Variants in SLC2A12 observed in about 807,000 individuals in gnomAD.
SLC2A12 encodes the protein solute carrier family 2 member 12, also known as solute carrier family 2, facilitated glucose transporter member 12.
In SLC2A12, 23 loss-of-function variants were observed where a neutral mutation model predicts 41.8. The ratio of observed to expected loss-of-function variants is 0.55; its 90% CI spans 0.40 to 0.78. SLC2A12 has a LOEUF of 0.78. Ranked by LOEUF, SLC2A12 falls within the 30% of genes least tolerant of loss-of-function variation. The pLI, the probability that SLC2A12 is intolerant of heterozygous loss-of-function variation, is 0.00. For missense variants in SLC2A12, 654 were observed against 745.6 expected, an observed-to-expected ratio of 0.88 and a Z score of 1.43; for synonymous variants, 295 against 285.9, an observed-to-expected ratio of 1.03 and a Z score of -0.32.
At chr6:134,048,621 G>A (rs1268512592) in intron 1 of SLC2A12, among the ~76,000 whole-genome samples, 1 of 152,160 alleles carries the variant, frequency 6.6e-6, no homozygotes, top group Non-Finnish European at 1.5e-5. Context: ...TTGGAAATAC[G>A]TATCACAGTA....
intron 1 of SLC2A12, among the ~76,000 whole-genome samples, chr6:134,044,796 T>C (rs1777433857): frequency 6.6e-6 from 1 of 151,936 alleles, no homozygotes; most frequent in Non-Finnish European, 1.5e-5. Flanking sequence ...GCCTCTCATG[T>C]AGTAGGTGCC....
At chr6:134,008,664 CTG>C in intron 2 of SLC2A12, among the ~76,000 whole-genome samples, 1 of 152,222 alleles carries the variant, frequency 6.6e-6, no homozygotes, top group African/African-American at 2.4e-5. Context: ...TCTGAGTAGA[CTG>C]ATATCTGCAT....
At chr6:134,006,193 CAA>C (rs571711008) in intron 3 of SLC2A12, among the ~76,000 whole-genome samples, 11 of 121,616 alleles carry the variant, frequency 9.0e-5, no homozygotes, top group South Asian at 2.5e-4. Flanking sequence ...AAAAAAAAAA[CAA>C]AAAAAAAAAC....
intron 1 of SLC2A12, among the ~76,000 whole-genome samples, chr6:134,030,397 C>A (rs990072209): frequency 2.0e-5 from 3 of 152,164 alleles, no homozygotes; most frequent in African/African-American, 4.8e-5. Flanking sequence ...GTGTAAGGAA[C>A]CAGCAATATC....
At chr6:134,034,160 A>G (rs1304999342) in intron 1 of SLC2A12, among the ~76,000 whole-genome samples, 1 of 152,090 alleles carries the variant, frequency 6.6e-6, no homozygotes, top group Non-Finnish European at 1.5e-5. Flanking sequence ...CTTGCTATCC[A>G]TCTTTCTATC....
intron 4 of SLC2A12, among the ~76,000 whole-genome samples, chr6:133,992,544 T>G (rs945486450): frequency 6.6e-6 from 1 of 152,128 alleles, no homozygotes; most frequent in Non-Finnish European, 1.5e-5. Flanking sequence ...TCAGCATAGT[T>G]GTGTGTTTGA....
In SLC2A12 at chr6:134,029,590, G is replaced by T. The variant is rs1402498603; in HGVS notation, c.235C>A (p.Gln79Lys). 2 of 1,613,952 alleles carry T rather than the reference G, an allele frequency of 1.2e-6. No homozygotes were observed. The highest frequency in any genetic ancestry group is 1.3e-5 in the African/African-American group (1 of 74,876). The change falls in exon 2 of 5, where the codon CAG (glutamine) becomes AAG (lysine). Residue 79 changes from glutamine (Q) to lysine (K), a missense_variant. Gln to Lys is a moderately conservative substitution (Grantham distance 53). This residue lies in a region of SLC2A12 where 109 missense variants were observed against 153.0 expected (regional missense o/e 0.71). Transcript: ENST00000275230. Reference sequence around the variant, plus strand: ...ACGAGGGAGCTCACAACCATTTCCTGCTCATGGCAGCTCAGGGCTAATAAG... The same window carrying T: ...ACGAGGGAGCTCACAACCATTTCCTTCTCATGGCAGCTCAGGGCTAATAAG... ...KTLLALSCHE[Q>K]EMVVSSLVIG...
At chr6:134,038,700 CTTTTTTTTT>C (rs200794350) in intron 1 of SLC2A12, among the ~76,000 whole-genome samples, 2 of 82,128 alleles carry the variant, frequency 2.4e-5, no homozygotes, top group African/African-American at 1.3e-4. Context: ...CCTTTCTTTC[CTTTTTTTTT>C]TTTTTTTTTT....
Position 134,025,021 on chromosome 6 carries a change from T to A in SLC2A12, c.1444+3360A>T, listed in dbSNP as rs568683224. ...TACCCTTCTTCTCTTTCATCCTATA[T>A]CTCAGCCTTATAAAAAGTACATGTT... On this transcript the variant is annotated intron_variant, in intron 2 of 4. Transcript: ENST00000275230. Among the ~76,000 whole-genome samples, 21 of 152,318 alleles carry A rather than the reference T, an allele frequency of 1.4e-4. No homozygotes were observed. The South Asian group carries it at 3.9e-3, about 29-fold the overall frequency.
rs370230878 is a variant in SLC2A12, at chr6:133,991,204, T to C, written c.1805A>G (p.Asn602Ser). The C allele has an allele frequency of 3.7e-6, 6 of 1,614,026 alleles. No individual in the cohort carries two copies. Among genetic ancestry groups the C allele is most frequent in the African/African-American group, 2.7e-5 (2 of 74,924 alleles). The change falls in exon 5 of 5, where the codon AAC (asparagine) becomes AGC (serine). Residue 602 changes from asparagine to serine, a missense_variant. Asn to Ser is a conservative substitution (Grantham distance 46, BLOSUM62 1). Around this residue, in one of 3 missense-constraint regions of SLC2A12, gnomAD observed 134 missense variants for 180.5 expected, o/e 0.74. Transcript: ENST00000275230. ...RKPQEQLLEC[N>S]KLCGRGQSRQ... ...GGATTGGCCCCTACCACACAGCTTG[T>C]TACACTCCAAGAGCTGCTCCTGGGG...
At chr6:134,017,681 T>C (rs1162056095) in intron 2 of SLC2A12, among the ~76,000 whole-genome samples, 1 of 151,790 alleles carries the variant, frequency 6.6e-6, no homozygotes, top group South Asian at 2.1e-4. Flanking sequence ...TGAAACCCTG[T>C]CTCTACTAAA....
chr6:133,998,431 G>T (rs1284501256), intron 4 of SLC2A12, among the ~76,000 whole-genome samples: 1 of 152,224 alleles, frequency 6.6e-6, no homozygotes, highest in Admixed American at 6.5e-5. Flanking sequence ...ACAATGGGTT[G>T]TGATAGTAAG....
chr6:133,992,720 TAAGG>T (rs1474987864), intron 4 of SLC2A12, among the ~76,000 whole-genome samples: 2 of 151,544 alleles, frequency 1.3e-5, no homozygotes, highest in Admixed American at 6.6e-5. Flanking sequence ...GGAAGCAGGG[TAAGG>T]AAGGAAGGGA....
intron 1 of SLC2A12, among the ~76,000 whole-genome samples, chr6:134,039,086 G>A (rs554645366): frequency 1.2e-3 from 190 of 152,232 alleles, no homozygotes; most frequent in African/African-American, 4.4e-3. Flanking sequence ...GCTACTTGTT[G>A]AGTTCTTTTT....
At chr6:134,022,895 G>A (rs1264975359) in intron 2 of SLC2A12, among the ~76,000 whole-genome samples, 5 of 152,114 alleles carry the variant, frequency 3.3e-5, no homozygotes, top group South Asian at 2.1e-4. Context: ...CCCTCAAGAC[G>A]GCAGTATTCC....
In SLC2A12 at chr6:133,990,728, T is replaced by C. The variant is rs139905697; in HGVS notation, c.*427A>G. 8.3e-3 allele frequency: 1,276 copies of C among 153,832 alleles called. 36 individuals are homozygous for C. Among genetic ancestry groups the C allele is most frequent in the Admixed American group, 0.062 (947 of 15,336 alleles). The allele number at this position is 153,832 out of a possible 1,614,324, so 9.5% of individuals were successfully genotyped here. A position where few individuals can be genotyped will look rare whatever the true frequency, so the allele number is the denominator to read the frequency against. On this transcript the variant is annotated 3_prime_UTR_variant, in exon 5 of 5. Transcript: ENST00000275230. ...TTTGCGTAAGATCCAGTGCAAGTAG[T>C]GTCTTGGTAGGCAGAAACTGTACCC... is the stretch of plus-strand genomic sequence containing the variant.
At position 134,029,649 on chromosome 6, in the gene SLC2A12, C is replaced by T. The variant is rs1425930154; in HGVS notation, c.176G>A (p.Gly59Glu). The change falls in exon 2 of 5, where the codon GGG becomes GAG. Residue 59 changes from glycine to glutamate, a missense_variant. Physicochemically the swap from Gly to Glu is moderately conservative, Grantham distance 98. Around this residue, in one of 3 missense-constraint regions of SLC2A12, gnomAD observed 109 missense variants for 153.0 expected, o/e 0.71. Transcript: ENST00000275230. The part of the protein sequence containing the change: ...VSGLLVGYEL[G>E]IISGALLQIK... Reference sequence around the variant, plus strand: ...CTGAAGAAGAGCCCCAGAGATGATCCCAAGTTCATAACCCACCAGGAGGCC... The same window carrying T: ...CTGAAGAAGAGCCCCAGAGATGATCTCAAGTTCATAACCCACCAGGAGGCC... 1 of 1,613,090 alleles carries T rather than the reference C, an allele frequency of 6.2e-7. No homozygotes were observed. The highest frequency in any genetic ancestry group is 8.5e-7 in the Non-Finnish European group (1 of 1,179,976).
intron 4 of SLC2A12, among the ~76,000 whole-genome samples, chr6:133,995,136 C>A (rs1418285072): frequency 2.6e-5 from 4 of 152,198 alleles, no homozygotes; most frequent in Non-Finnish European, 5.9e-5. Context: ...TTTAGAAAAA[C>A]TTGGCTATAC....
intron 1 of SLC2A12, among the ~76,000 whole-genome samples, chr6:134,050,246 A>G (rs1773656004): frequency 1.3e-5 from 2 of 152,340 alleles, no homozygotes; most frequent in African/African-American, 4.8e-5. Flanking sequence ...GATGTTTAAG[A>G]TAAGTTAAGA....
Sources: gnomAD v4.1 joint callset for allele counts (sites outside exome capture counted in the v4.1 genomes callset) on GRCh38, gnomAD v4.1.1 for gene constraint, gnomAD v4.1.1 regional missense constraint, MANE v1.5 for transcripts, NCBI Gene and HGNC (gene_info 2026-07-23, HGNC 2026-07-21) for gene names.